Variants in SPNS3 observed in about 807,000 individuals in gnomAD.
The protein encoded by SPNS3 is SPNS lysolipid transporter 3, sphingosine-1-phosphate (putative), also known as protein spinster homolog 3.
Under a neutral mutation model 54.4 loss-of-function variants are expected in SPNS3, and 51 were observed. The ratio of observed to expected loss-of-function variants is 0.94; its 90% CI spans 0.75 to 1.18. The LOEUF is 1.18. SPNS3 is among the 50% of genes most tolerant of loss of function. The probability of loss-of-function intolerance (pLI) is 0.00; values close to 1 mark genes in which losing one functional copy is unlikely to be tolerated. For synonymous variants in SPNS3, 309 were observed against 294.7 expected (o/e 1.05, Z -0.50); for missense variants, 669 against 677.4 (o/e 0.99, Z 0.14).
intron 8 of SPNS3, among the ~76,000 whole-genome samples, chr17:4,477,842 G>A (rs574848102): frequency 4.6e-5 from 7 of 152,262 alleles, no homozygotes; most frequent in Middle Eastern, 3.4e-3. Flanking sequence ...GGCTGGGCAC[G>A]CTGGCTGGCA....
rs1246962109 is a variant in SPNS3 at position 4,448,209 on chromosome 17, G to A, written c.676G>A (p.Asp226Asn). The change falls in exon 6 of 12, where the codon GAC becomes AAC. Residue 226 changes from aspartate to asparagine, a missense_variant. Physicochemically the swap from Asp to Asn is conservative, Grantham distance 23. Coordinates refer to ENST00000355530, the MANE Select transcript of SPNS3 (RefSeq NM_182538.5). ...ALILLILLVP[D>N]PPRGAAETQG... ...GATCCTGCTTATCCTGCTGGTTCCA[G>A]ACCCACCCCGGGGAGCTGCCGAGAC... The A allele has an allele frequency of 6.2e-7, 1 of 1,605,152 alleles. No homozygotes were observed. Among genetic ancestry groups the A allele is most frequent in the Non-Finnish European group, 8.5e-7 (1 of 1,175,908 alleles).
At chr17:4,449,150 A>G (rs1971085273) in intron 6 of SPNS3, 85 bp from the exon 7 acceptor site, 2 of 1,483,218 alleles carry the variant, frequency 1.3e-6, no homozygotes, top group Non-Finnish European at 1.8e-6. Context: ...GAAAGTTCCT[A>G]GACTGCCCAG....
At chr17:4,457,682 G>T (rs1346314196) in intron 8 of SPNS3, among the ~76,000 whole-genome samples, 2 of 152,156 alleles carry the variant, frequency 1.3e-5, no homozygotes, top group African/African-American at 4.8e-5. Flanking sequence ...CCCTGCTTCT[G>T]CCACTGTCTT....
intron 2 of SPNS3, 197 bp from the exon 3 acceptor site, chr17:4,444,835 C>T (rs1970940073): frequency 1.5e-6 from 1 of 664,894 alleles, no homozygotes; most frequent in Non-Finnish European, 2.6e-6. Context: ...AGATTGAGGC[C>T]TCCACACTCT....
At position 4,486,758 on chromosome 17, in the gene SPNS3, C is replaced by T. The variant is rs758700599; in HGVS notation, c.1450+175C>T. The stretch of plus-strand genomic sequence containing the variant: ...ATGCTGGGGAGTGAAAGAATGAGGC[C>T]AAGTCCAGGCCCCTGTAGAAACTGA... On this transcript the variant is annotated intron_variant, in intron 11 of 11. Transcript: ENST00000355530. The surrounding 1 kb of genome is among the most constrained non-coding windows in gnomAD (Gnocchi z 5.5). 2.6e-5 allele frequency among the ~76,000 whole-genome samples: 4 copies of T among 151,852 alleles called. No homozygotes were observed. Among genetic ancestry groups the T allele is most frequent in the Non-Finnish European group, 5.9e-5 (4 of 68,024 alleles).
intron 8 of SPNS3, among the ~76,000 whole-genome samples, chr17:4,463,710 G>T (rs1971602577): frequency 6.7e-6 from 1 of 149,430 alleles, no homozygotes; most frequent in Non-Finnish European, 1.5e-5. Flanking sequence ...CTGCACTCCA[G>T]CCGGGCAACA....
At chr17:4,452,489 A>G (rs1234594999) in intron 7 of SPNS3, among the ~76,000 whole-genome samples, 1 of 152,012 alleles carries the variant, frequency 6.6e-6, no homozygotes, top group Admixed American at 6.6e-5. Flanking sequence ...GAGGGGTTCA[A>G]AGACGGGGAG....
chr17:4,441,808 T>A (rs1229627169), intron 2 of SPNS3, among the ~76,000 whole-genome samples: 1 of 145,806 alleles, frequency 6.9e-6, no homozygotes, highest in Non-Finnish European at 1.5e-5. Flanking sequence ...TTGGGGGGGG[T>A]CTCACCATGT....
chr17:4,464,869 T>C lies in SPNS3; in HGVS notation c.1113+11664T>C, dbSNP rs144424618. On this transcript the variant is annotated intron_variant, in intron 8 of 11. Coordinates refer to ENST00000355530, the MANE Select transcript of SPNS3 (RefSeq NM_182538.5). The stretch of plus-strand genomic sequence containing the variant: ...TGACTTTTGGTATTTTTAGTAGAGA[T>C]GGGGTTTCACCATGTTGGCCAGGCT... 3.0e-4 allele frequency among the ~76,000 whole-genome samples: 46 copies of C among 152,092 alleles called. 1 individual carries two copies. In the East Asian group the frequency reaches 8.3e-3, roughly 27 times the overall value.
chr17:4,451,649 T>C (rs1450246679), intron 7 of SPNS3, among the ~76,000 whole-genome samples: 1 of 151,740 alleles, frequency 6.6e-6, no homozygotes, highest in African/African-American at 2.4e-5. Flanking sequence ...AGCGTTCCCT[T>C]TGAGCTCCTT....
chr17:4,464,794 T>C (rs1427842295), intron 8 of SPNS3, among the ~76,000 whole-genome samples: 1 of 152,090 alleles, frequency 6.6e-6, no homozygotes, highest in Non-Finnish European at 1.5e-5. Flanking sequence ...GATTCTCCTG[T>C]CTCAACCTCC....
At chr17:4,441,912 C>A (rs1254605833) in intron 2 of SPNS3, among the ~76,000 whole-genome samples, 3 of 151,144 alleles carry the variant, frequency 2.0e-5, no homozygotes, top group Non-Finnish European at 4.4e-5. Context: ...ACCACACTGG[C>A]CCTTACCATA....
At chr17:4,465,624 G>A (rs1971657126) in intron 8 of SPNS3, among the ~76,000 whole-genome samples, 1 of 152,160 alleles carries the variant, frequency 6.6e-6, no homozygotes. Context: ...CTACTTGGAA[G>A]GCTGATGGGG....
At chr17:4,467,522 C>T (rs1274199949) in intron 8 of SPNS3, among the ~76,000 whole-genome samples, 3 of 152,108 alleles carry the variant, frequency 2.0e-5, no homozygotes, top group Non-Finnish European at 4.4e-5. Context: ...TGTGGCCGTT[C>T]ACCCTCCCCT....
intron 9 of SPNS3, among the ~76,000 whole-genome samples, chr17:4,478,891 G>A (rs1455858688): frequency 6.6e-6 from 1 of 152,158 alleles, no homozygotes; most frequent in African/African-American, 2.4e-5. Flanking sequence ...CAGCCCCAAC[G>A]CAGGGAGCCA....
rs1972332709 is a variant in SPNS3 at position 4,486,893 on chromosome 17, G to C, written c.1450+310G>C. Among the ~76,000 whole-genome samples the C allele has an allele frequency of 6.6e-6, 1 of 152,136 alleles. No homozygotes were observed. Among genetic ancestry groups the C allele is most frequent in the South Asian group, 2.1e-4 (1 of 4,818 alleles). On this transcript the variant is annotated intron_variant, in intron 11 of 11. Coordinates refer to ENST00000355530, the MANE Select transcript of SPNS3 (RefSeq NM_182538.5). The surrounding 1 kb of genome is among the most constrained non-coding windows in gnomAD (Gnocchi z 5.5). ...AAAGCAGGAAAGGAAGGAGAAAGGG[G>C]CCGGGCGCGGTGGCTCACACCTGTA...
At chr17:4,439,573 G>A in intron 1 of SPNS3, 85 bp from the exon 2 acceptor site, 3 of 1,260,342 alleles carry the variant, frequency 2.4e-6, no homozygotes, top group Non-Finnish European at 2.3e-6. Flanking sequence ...GGTCAGCTGT[G>A]GCCCTGTGCC....
intron 7 of SPNS3, among the ~76,000 whole-genome samples, chr17:4,451,642 G>A (rs979798050): frequency 7.9e-5 from 12 of 151,974 alleles, no homozygotes; most frequent in East Asian, 3.9e-4. Context: ...CAGTCTCAGC[G>A]TTCCCTTTGA....
rs532922296 is a variant in SPNS3, at chr17:4,485,156, C to A, written c.1180-1072C>A. 15 of 152,278 alleles carry A rather than the reference C, an allele frequency of 9.9e-5. No homozygotes were observed. The East Asian group carries it at 2.9e-3, about 29-fold the overall frequency. The allele number at this position is 152,278 out of a possible 1,614,324, so 9.4% of individuals were successfully genotyped here. On this transcript the variant is annotated intron_variant, in intron 9 of 11. Coordinates refer to ENST00000355530, the MANE Select transcript of SPNS3 (RefSeq NM_182538.5). The stretch of plus-strand genomic sequence containing the variant: ...GCCAGGCAGAAGGCGCAGCTGAGTT[C>A]AAGGGCCTGGAGCATCCTGTCTCAG...
Sources: gnomAD v4.1 joint callset for allele counts (sites outside exome capture counted in the v4.1 genomes callset) on GRCh38, gnomAD v4.1.1 for gene constraint, Gnocchi (gnomAD v3.1) non-coding constraint, MANE v1.5 for transcripts, NCBI Gene and HGNC (gene_info 2026-07-23, HGNC 2026-07-21) for gene names.